Variants in ITSN1 observed in about 807,000 individuals in gnomAD.
The protein encoded by ITSN1 is intersectin 1, also known as intersectin-1.
ITSN1 carries 58 observed loss-of-function variants against 239.8 expected under a neutral mutation model. The ratio of observed to expected loss-of-function variants is 0.24; its 90% CI spans 0.20 to 0.30. The LOEUF is 0.30. Ranked by LOEUF, ITSN1 falls within the 10% of genes least tolerant of loss-of-function variation. ITSN1 has a pLI of 1.00. For missense variants in ITSN1, 1,558 were observed against 2,103.3 expected (o/e 0.74, Z 5.07); for synonymous variants, 780 against 770.8 (o/e 1.01, Z -0.20).
intron 16 of ITSN1, 129 bp downstream of exon 16, chr21:33,782,262 T>A: frequency 3.3e-6 from 3 of 901,740 alleles, no homozygotes; most frequent in Non-Finnish European, 3.5e-6. Context: ...TAAATTGCAC[T>A]TTTCTCCTTG....
intron 1 of ITSN1, among the ~76,000 whole-genome samples, chr21:33,670,560 C>T (rs546723136): frequency 5.9e-5 from 9 of 152,102 alleles, no homozygotes; most frequent in African/African-American, 2.2e-4. Context: ...TGCAGACCTC[C>T]TTAATGTCTG....
At chr21:33,809,940 T>C (rs2072776078) in intron 20 of ITSN1, among the ~76,000 whole-genome samples, 1 of 152,128 alleles carries the variant, frequency 6.6e-6, no homozygotes, top group Admixed American at 6.5e-5. Flanking sequence ...ATTACAGGCA[T>C]GCGCCACCAT....
intron 22 of ITSN1, 147 bp from the exon 23 acceptor site, chr21:33,818,120 G>A (rs1478633712): frequency 7.7e-6 from 5 of 646,526 alleles, no homozygotes; most frequent in African/African-American, 3.7e-5. Context: ...GAAGCATCCA[G>A]CCCTCCTGCT....
chr21:33,664,448 G>T (rs2089787344), intron 1 of ITSN1, among the ~76,000 whole-genome samples: 1 of 152,060 alleles, frequency 6.6e-6, no homozygotes, highest in African/African-American at 2.4e-5. Context: ...ACTCACTCTT[G>T]GGGAGGGCCT....
chr21:33,683,127 AAAT>A (rs2091058749), intron 1 of ITSN1, among the ~76,000 whole-genome samples: 1 of 152,090 alleles, frequency 6.6e-6, no homozygotes, highest in South Asian at 2.1e-4. Context: ...TGGCCTGAGG[AAAT>A]AAGGTGCCTT....
At chr21:33,804,748 T>C (rs939685380) in intron 20 of ITSN1, among the ~76,000 whole-genome samples, 4 of 152,198 alleles carry the variant, frequency 2.6e-5, no homozygotes, top group Non-Finnish European at 5.9e-5. Flanking sequence ...GAACACAGGC[T>C]GAGTGTCTAA....
At chr21:33,688,552 G>A (rs2146617371) in intron 1 of ITSN1, among the ~76,000 whole-genome samples, 1 of 152,320 alleles carries the variant, frequency 6.6e-6, no homozygotes, top group African/African-American at 2.4e-5. Context: ...GGCTGGGAAT[G>A]CAGTTCTTGC....
intron 1 of ITSN1, among the ~76,000 whole-genome samples, chr21:33,665,469 T>G (rs2089869404): frequency 2.0e-5 from 3 of 152,140 alleles, no homozygotes. Context: ...TATCATTTTT[T>G]TTTAAAAAGG....
intron 34 of ITSN1, among the ~76,000 whole-genome samples, chr21:33,876,476 C>G (rs1175020733): frequency 1.3e-5 from 2 of 152,200 alleles, no homozygotes; most frequent in African/African-American, 4.8e-5. Flanking sequence ...GTGATCTTCC[C>G]ACTTCAGCAT....
At chr21:33,878,969 G>A (rs1293546255) in intron 34 of ITSN1, among the ~76,000 whole-genome samples, 1 of 152,160 alleles carries the variant, frequency 6.6e-6, no homozygotes, top group Admixed American at 6.6e-5. Context: ...AAGTGCTGTG[G>A]CGACATGTGA....
At chr21:33,820,479 A>G (rs767713126) in intron 24 of ITSN1, among the ~76,000 whole-genome samples, 1 of 152,232 alleles carries the variant, frequency 6.6e-6, no homozygotes, top group Non-Finnish European at 1.5e-5. Flanking sequence ...TTTGTCTGCC[A>G]TAATGAGATT....
At chr21:33,801,152 A>G (rs1195333922) in intron 19 of ITSN1, among the ~76,000 whole-genome samples, 1 of 152,134 alleles carries the variant, frequency 6.6e-6, no homozygotes, top group Non-Finnish European at 1.5e-5. Context: ...AATTACAGGC[A>G]TGAGCCACCA....
At chr21:33,801,237 A>G (rs2071979520) in intron 19 of ITSN1, among the ~76,000 whole-genome samples, 1 of 152,180 alleles carries the variant, frequency 6.6e-6, no homozygotes, top group Admixed American at 6.5e-5. Flanking sequence ...CAAGGACTGT[A>G]TGTCTTTGAA....
intron 29 of ITSN1, among the ~76,000 whole-genome samples, chr21:33,855,010 C>T (rs1011506913): frequency 1.3e-5 from 2 of 152,154 alleles, no homozygotes; most frequent in African/African-American, 4.8e-5. Flanking sequence ...GGGCTGGAAG[C>T]ACCACAACCC....
At chr21:33,747,487 C>T (rs762305009) in intron 5 of ITSN1, among the ~76,000 whole-genome samples, 1 of 151,862 alleles carries the variant, frequency 6.6e-6, no homozygotes, top group African/African-American at 2.4e-5. Context: ...ATCAAAAGCT[C>T]AACACACCTC....
intron 1 of ITSN1, among the ~76,000 whole-genome samples, chr21:33,665,796 A>G (rs992548971): frequency 8.5e-5 from 13 of 152,248 alleles, no homozygotes; most frequent in Non-Finnish European, 1.8e-4. Flanking sequence ...TGATTCAGCT[A>G]TAAAAAGAAA....
At position 33,655,757 on chromosome 21, in the gene ITSN1, TG is replaced by T. The variant is rs530403708; in HGVS notation, c.-33+13045del. 6.6e-5 allele frequency among the ~76,000 whole-genome samples: 10 copies of T among 152,158 alleles called. No individual in the cohort carries two copies. The South Asian group carries it at 2.1e-3, about 32-fold the overall frequency. ...CTTGAAACAAGACTCTAAAGTGTACTGTCGAAATACCAAGAAGTTGAATCAC... is the reference window on the plus strand; with the variant it reads ...CTTGAAACAAGACTCTAAAGTGTACTTCGAAATACCAAGAAGTTGAATCAC... On this transcript the variant is annotated intron_variant, in intron 1 of 39. Coordinates refer to ENST00000381318, the MANE Select transcript of ITSN1 (RefSeq NM_003024.3).
chr21:33,884,489 CA>C (rs1423708070), intron 36 of ITSN1, among the ~76,000 whole-genome samples: 2 of 152,264 alleles, frequency 1.3e-5, no homozygotes, highest in South Asian at 2.1e-4. Flanking sequence ...GAACTTGACA[CA>C]AGGCCAGCAT....
In ITSN1 at chr21:33,889,895, A is replaced by G. The variant is rs1986245572; in HGVS notation, c.*1595A>G. 1 of 152,258 alleles carries G rather than the reference A, an allele frequency of 6.6e-6. No homozygotes were observed. Among genetic ancestry groups the G allele is most frequent in the African/African-American group, 2.4e-5 (1 of 41,478 alleles). The allele number at this position is 152,258 out of a possible 1,614,324, so 9.4% of individuals were successfully genotyped here. On this transcript the variant is annotated 3_prime_UTR_variant, in exon 40 of 40. Coordinates refer to ENST00000381318, the MANE Select transcript of ITSN1 (RefSeq NM_003024.3). ...TTTAAAAGTGTGTGTTGGAAAGGAC[A>G]ACAAAGTTTACATTTCATACTTTTA...
Sources: gnomAD v4.1 joint callset for allele counts (sites outside exome capture counted in the v4.1 genomes callset) on GRCh38, gnomAD v4.1.1 for gene constraint, MANE v1.5 for transcripts, NCBI Gene and HGNC (gene_info 2026-07-23, HGNC 2026-07-21) for gene names.